The following AGBL4 variants were observed in gnomAD, a reference collection of about 807,000 sequenced individuals.
AGBL4 encodes AGBL carboxypeptidase 4.
A neutral mutation model predicts 66.4 loss-of-function variants in AGBL4; 58 were observed. The observed-to-expected ratio is 0.87, with a 90% confidence interval of 0.71 to 1.09. AGBL4 has a LOEUF of 1.09. Ranked by LOEUF, AGBL4 falls within the 50% of genes least tolerant of loss-of-function variation. AGBL4 has a pLI of 0.00. For synonymous variants in AGBL4, 234 were observed against 222.9 expected, an observed-to-expected ratio of 1.05 and a Z score of -0.44; for missense variants, 579 against 631.0, an observed-to-expected ratio of 0.92 and a Z score of 0.88.
intron 5 of AGBL4, among the ~76,000 whole-genome samples, chr1:48,951,166 G>A (rs1656953022): frequency 6.6e-6 from 1 of 152,128 alleles, no homozygotes; most frequent in Admixed American, 6.5e-5. Flanking sequence ...TTACCCCAGT[G>A]CTTTAGAGAA....
intron 4 of AGBL4, among the ~76,000 whole-genome samples, chr1:49,158,305 C>A (rs890446497): frequency 6.6e-6 from 1 of 152,040 alleles, no homozygotes; most frequent in Admixed American, 6.6e-5. Flanking sequence ...AAAGCAATGG[C>A]AACAAAAGCC....
At chr1:49,022,503 G>A (rs1260726897) in intron 5 of AGBL4, among the ~76,000 whole-genome samples, 1 of 152,014 alleles carries the variant, frequency 6.6e-6, no homozygotes, top group African/African-American at 2.4e-5. Context: ...TAGCCACAAA[G>A]AGGAATAAAA....
intron 8 of AGBL4, among the ~76,000 whole-genome samples, chr1:48,636,258 C>T (rs1645666410): frequency 6.6e-6 from 1 of 152,196 alleles, no homozygotes; most frequent in African/African-American, 2.4e-5. Context: ...CTTCCTATCA[C>T]TCAGATATAA....
chr1:48,933,358 C>T (rs188158001), intron 5 of AGBL4, among the ~76,000 whole-genome samples: 7 of 152,292 alleles, frequency 4.6e-5, no homozygotes, highest in African/African-American at 1.7e-4. Flanking sequence ...TCCAACTTTG[C>T]CTTAAACTCA....
intron 6 of AGBL4, chr1:48,742,618 A>G: frequency 6.5e-7 from 1 of 1,547,422 alleles, no homozygotes. Context: ...AGCTTAAAAC[A>G]CTACCTTGCC....
intron 3 of AGBL4, among the ~76,000 whole-genome samples, chr1:49,682,018 A>G (rs1208087966): frequency 6.6e-6 from 1 of 152,212 alleles, no homozygotes; most frequent in African/African-American, 2.4e-5. Context: ...CTACTAAAAA[A>G]GTACAGCAAA....
chr1:49,467,923 GC>G lies in AGBL4; in HGVS notation c.283-222060del, dbSNP rs1266814494. ...AGTCCTTCTAGGTAAGACATTTCAT[GC>G]TTTTTAACTGTATTTTCTTAGGCCC... On this transcript the variant is annotated intron_variant, in intron 3 of 13. Transcript: ENST00000371839. 3.3e-5 allele frequency among the ~76,000 whole-genome samples: 5 copies of G among 151,880 alleles called. No homozygotes were observed. In the East Asian group the frequency reaches 9.7e-4, roughly 30 times the overall value.
At chr1:49,847,240 G>A (rs1378042532) in intron 2 of AGBL4, among the ~76,000 whole-genome samples, 1 of 151,980 alleles carries the variant, frequency 6.6e-6, no homozygotes, top group Non-Finnish European at 1.5e-5. Flanking sequence ...CCTATCTCTT[G>A]GCATACACAA....
chr1:48,886,840 C>T (rs561874359), intron 5 of AGBL4, among the ~76,000 whole-genome samples: 26 of 152,130 alleles, frequency 1.7e-4, no homozygotes, highest in Non-Finnish European at 3.4e-4. Flanking sequence ...TGTGAGCCAC[C>T]GCGCCCAGCC....
At chr1:49,493,885 C>A (rs1428850069) in intron 3 of AGBL4, among the ~76,000 whole-genome samples, 1 of 151,644 alleles carries the variant, frequency 6.6e-6, no homozygotes, top group East Asian at 1.9e-4. Flanking sequence ...TTTTAAAGAT[C>A]CAAGGAAAGG....
At chr1:48,529,012 T>C (rs1643893125), downstream of AGBL4, among the ~76,000 whole-genome samples, 1 of 151,980 alleles carries the variant, frequency 6.6e-6, no homozygotes, top group Admixed American at 6.6e-5. Flanking sequence ...AAAGCCTCTT[T>C]CCCCTCCCTC....
intron 6 of AGBL4, among the ~76,000 whole-genome samples, chr1:48,685,662 A>G (rs1646520109): frequency 6.6e-6 from 1 of 152,244 alleles, no homozygotes; most frequent in Non-Finnish European, 1.5e-5. Flanking sequence ...TCTTATGAGC[A>G]TTACAAGGAG....
chr1:49,292,222 C>G (rs1048257785), intron 3 of AGBL4, among the ~76,000 whole-genome samples: 8 of 152,216 alleles, frequency 5.3e-5, no homozygotes, highest in Non-Finnish European at 7.3e-5. Context: ...TGGGCACCAA[C>G]AAGCATAGGA....
intron 2 of AGBL4, among the ~76,000 whole-genome samples, chr1:49,767,956 A>G (rs914004502): frequency 2.0e-5 from 3 of 151,758 alleles, no homozygotes; most frequent in African/African-American, 7.3e-5. Context: ...AATCAGTTGC[A>G]TGTGTACCCT....
intron 1 of AGBL4, among the ~76,000 whole-genome samples, chr1:49,940,508 A>G (rs1439679928): frequency 6.6e-6 from 1 of 152,212 alleles, no homozygotes; most frequent in African/African-American, 2.4e-5. Flanking sequence ...ACACCATGGA[A>G]TACTATGCAG....
chr1:49,107,694 T>TGTGTGTGAGA (rs764451269), intron 4 of AGBL4, among the ~76,000 whole-genome samples: 25 of 113,992 alleles, frequency 2.2e-4, no homozygotes, highest in South Asian at 2.9e-4. Context: ...TGTGTGTGTG[T>TGTGTGTGAGA]GAGAGAGAGA....
intron 3 of AGBL4, among the ~76,000 whole-genome samples, chr1:49,677,340 T>G (rs1646600358): frequency 1.3e-5 from 2 of 152,162 alleles, no homozygotes; most frequent in Admixed American, 1.3e-4. Flanking sequence ...TTTTTCTGCA[T>G]CAACTGATAT....
At chr1:48,762,453 T>C (rs927013051) in intron 6 of AGBL4, among the ~76,000 whole-genome samples, 41 of 152,292 alleles carry the variant, frequency 2.7e-4, no homozygotes, top group African/African-American at 9.6e-4. Flanking sequence ...TGTGGTAAAA[T>C]ACTTTGTGTT....
chr1:48,580,542 T>C (rs977756972), intron 11 of AGBL4, among the ~76,000 whole-genome samples: 5 of 152,232 alleles, frequency 3.3e-5, no homozygotes, highest in African/African-American at 1.2e-4. Context: ...ATGTTTTTGA[T>C]TGGATCAGAC....
Sources: allele counts gnomAD v4.1 joint callset (sites outside exome capture counted in the v4.1 genomes callset), GRCh38; gene constraint gnomAD v4.1.1; transcripts MANE v1.5; gene names NCBI Gene and HGNC (gene_info 2026-07-23, HGNC 2026-07-21).